USP35: variants seen among roughly 807,000 people sequenced by gnomAD.
USP35 encodes ubiquitin carboxyl-terminal hydrolase 35.
USP35 carries 69 observed loss-of-function variants against 83.8 expected under a neutral mutation model. The ratio of observed to expected loss-of-function variants is 0.82; its 90% CI spans 0.68 to 1.01. The LOEUF is 1.01. USP35 is among the 50% of genes least tolerant of loss of function. USP35 has a pLI of 0.00. For missense variants in USP35, 1,503 were observed against 1,362.5 expected, an observed-to-expected ratio of 1.10 and a Z score of -1.62; for synonymous variants, 714 against 589.5, an observed-to-expected ratio of 1.21 and a Z score of -3.06.
chr11:78,196,389 C>T lies in USP35; in HGVS notation c.144C>T (p.Leu48=). 1 of 1,444,504 alleles carries T rather than the reference C, an allele frequency of 6.9e-7. No homozygotes were observed. The highest frequency in any genetic ancestry group is 9.0e-7 in the Non-Finnish European group (1 of 1,111,566). 89.5% of individuals were successfully genotyped at this position (1,444,504 alleles called of 1,614,324 possible). ...CLALLALGAR[L]YVGGAEELPR... is the part of the protein sequence containing the mutation. ...CGCTGCTGGCGCTGGGCGCGCGCCT[C>T]TACGTGGGCGGCGCGGAGGAGCTGC... Residue 48 remains leucine, a synonymous_variant, in exon 2 of 11, where the codon CTC becomes CTT. Transcript: ENST00000529308. The surrounding 1 kb of genome is among the most constrained non-coding windows in gnomAD (Gnocchi z 4.8).
intron 6 of USP35, among the ~76,000 whole-genome samples, chr11:78,204,028 C>G (rs891301910): frequency 1.1e-3 from 159 of 148,816 alleles, no homozygotes; most frequent in African/African-American, 3.7e-3. Flanking sequence ...GTAGCTGGGA[C>G]TACAGGCGCC....
chr11:78,200,284 T>TG (rs776334056), intron 5 of USP35, 50 bp downstream of exon 5: 1 of 1,566,192 alleles, frequency 6.4e-7, no homozygotes, highest in South Asian at 1.1e-5. Flanking sequence ...CTGCTGCCCC[T>TG]GGTAAGGGCC....
chr11:78,189,013 A>T lies in USP35; in HGVS notation c.-155A>T, dbSNP rs1400094729. 2.1e-6 allele frequency: 2 copies of T among 944,070 alleles called. No homozygotes were observed. The highest frequency in any genetic ancestry group is 5.4e-4 in the Middle Eastern group (1 of 1,852). The allele number at this position is 944,070 out of a possible 1,614,324, so 58.5% of individuals were successfully genotyped here. On this transcript the variant is annotated 5_prime_UTR_variant, in exon 1 of 11. Transcript: ENST00000529308. ...GACTGGATTTTGCAGTGGAAGCAGC[A>T]TCTCTTCCGTCTGGGACCTGGCTGA...
At chr11:78,203,205 C>T (rs993935675) in intron 6 of USP35, among the ~76,000 whole-genome samples, 4 of 152,112 alleles carry the variant, frequency 2.6e-5, no homozygotes, top group Non-Finnish European at 5.9e-5. Context: ...AACCCCGCGC[C>T]TTGAGAAGAT....
chr11:78,191,031 C>A (rs577881732), intron 1 of USP35, among the ~76,000 whole-genome samples: 2 of 152,096 alleles, frequency 1.3e-5, no homozygotes, highest in African/African-American at 2.4e-5. Context: ...GGGGCATGGA[C>A]GGAATGGTGC....
At position 78,200,731 on chromosome 11, in the gene USP35, G is replaced by A. The variant is rs1240273036; in HGVS notation, c.1120G>A (p.Ala374Thr). Residue 374 changes from alanine (A) to threonine (T), a missense_variant, in exon 6 of 11, where the codon GCG (alanine) becomes ACG (threonine). Coordinates refer to ENST00000529308, the MANE Select transcript of USP35 (RefSeq NM_020798.4). ...GGGGACCAGCTGCCTGGAGCAGCTG[G>A]CGGAGCTGGTCCACTGCATGGTGTT... The part of the protein sequence containing the change: ...NSGTSCLEQL[A>T]ELVHCMVFRF... 3.7e-6 allele frequency: 6 copies of A among 1,614,212 alleles called. No homozygotes were observed. Among genetic ancestry groups the A allele is most frequent in the Non-Finnish European group, 5.1e-6 (6 of 1,180,030 alleles).
rs770535108 is a variant in USP35 at position 78,210,127 on chromosome 11, T to C, written c.2272T>C (p.Ser758Pro). The C allele has an allele frequency of 1.2e-6, 2 of 1,613,474 alleles. No homozygotes were observed. Among genetic ancestry groups the C allele is most frequent in the Non-Finnish European group, 1.7e-6 (2 of 1,179,738 alleles). ...GGAGCGGACATGTGGCTCTGAGGGCTCCCGCTCCGTCCTGGACCTGGTTAA... is the reference window on the plus strand; with the variant it reads ...GGAGCGGACATGTGGCTCTGAGGGCCCCCGCTCCGTCCTGGACCTGGTTAA... Reference protein sequence around the residue: ...SGERTCGSEGSRSVLDLVNYF... With the variant: ...SGERTCGSEGPRSVLDLVNYF... The change falls in exon 10 of 11, where the codon TCC becomes CCC. Residue 758 changes from serine to proline, a missense_variant. Physicochemically the swap from Ser to Pro is moderately conservative, Grantham distance 74. Transcript: ENST00000529308.
Position 78,196,215 on chromosome 11 carries a change from C to T in USP35, c.-10-21C>T. On this transcript the variant is annotated intron_variant, in intron 1 of 10. Coordinates refer to ENST00000529308, the MANE Select transcript of USP35 (RefSeq NM_020798.4). The surrounding 1 kb of genome is among the most constrained non-coding windows in gnomAD (Gnocchi z 4.8). ...AGCCCCGCGGTTGTCGGGCTGTGACCTCATTCCCTGTCCTCCGCAGCGCGG... is the reference window on the plus strand; with the variant it reads ...AGCCCCGCGGTTGTCGGGCTGTGACTTCATTCCCTGTCCTCCGCAGCGCGG... 1 of 1,571,624 alleles carries T rather than the reference C, an allele frequency of 6.4e-7. No individual in the cohort carries two copies. Among genetic ancestry groups the T allele is most frequent in the Non-Finnish European group, 8.6e-7 (1 of 1,167,260 alleles).
chr11:78,197,938 G>A lies in USP35; in HGVS notation c.676G>A (p.Glu226Lys), dbSNP rs532256299. 1.2e-6 allele frequency: 2 copies of A among 1,614,022 alleles called. 1 individual carries two copies. The highest frequency in any genetic ancestry group is 2.2e-5 in the South Asian group (2 of 91,076). The part of the protein sequence containing the change: ...ELFAVISCAE[E>K]EPPSSALASV... ...CTCAGCCCTGTCCCCTGTTCCAGAGGAGGAGCCACCATCTAGCGCCCTGGC... is the reference window on the plus strand; with the variant it reads ...CTCAGCCCTGTCCCCTGTTCCAGAGAAGGAGCCACCATCTAGCGCCCTGGC... The change falls in exon 3 of 11, where the codon GAG (glutamate) becomes AAG (lysine). Residue 226 changes from glutamate (E) to lysine (K), a missense_variant and splice_region_variant. Physicochemically the swap from Glu to Lys is moderately conservative, Grantham distance 56. Transcript: ENST00000529308.
intron 6 of USP35, among the ~76,000 whole-genome samples, chr11:78,204,796 G>A (rs1170567849): frequency 1.3e-5 from 2 of 152,242 alleles, no homozygotes; most frequent in African/African-American, 2.4e-5. Context: ...TCTGTGAGAA[G>A]TGACTGACTG....
At position 78,196,211 on chromosome 11, in the gene USP35, T is replaced by A. The variant is rs771756432; in HGVS notation, c.-10-25T>A. On this transcript the variant is annotated intron_variant, in intron 1 of 10. Transcript: ENST00000529308. This position sits in a 1 kb window ranked among gnomAD's most constrained non-coding sequence, Gnocchi z 4.8. ...CTTGAGCCCCGCGGTTGTCGGGCTGTGACCTCATTCCCTGTCCTCCGCAGC... is the reference window on the plus strand; with the variant it reads ...CTTGAGCCCCGCGGTTGTCGGGCTGAGACCTCATTCCCTGTCCTCCGCAGC... 3.7e-5 allele frequency: 58 copies of A among 1,565,728 alleles called. No individual in the cohort carries two copies. Among genetic ancestry groups the A allele is most frequent in the Non-Finnish European group, 4.6e-5 (54 of 1,164,622 alleles).
the USP35 span, among the ~76,000 whole-genome samples, chr11:78,228,767 C>A: frequency 1.3e-5 from 2 of 150,362 alleles, no homozygotes; most frequent in East Asian, 3.9e-4. Flanking sequence ...ACCAAGCCAA[C>A]AGCCATGGGC....
chr11:78,229,944 A>G, the USP35 span, among the ~76,000 whole-genome samples: 1 of 152,182 alleles, frequency 6.6e-6, no homozygotes, highest in African/African-American at 2.4e-5. Context: ...ACCTCTAAGC[A>G]TTGCTTAACT....
the USP35 span, among the ~76,000 whole-genome samples, chr11:78,230,025 A>G: frequency 2.0e-5 from 3 of 152,168 alleles, no homozygotes. Context: ...ATTACTACTT[A>G]TCTCTGCCAA....
chr11:78,191,619 G>C (rs761095036), intron 1 of USP35, among the ~76,000 whole-genome samples: 3 of 152,148 alleles, frequency 2.0e-5, no homozygotes, highest in Non-Finnish European at 4.4e-5. Context: ...TTGGGAGATG[G>C]GTTAGGAGGC....
intron 8 of USP35, among the ~76,000 whole-genome samples, chr11:78,208,039 G>A (rs1385087442): frequency 1.3e-5 from 2 of 152,222 alleles, no homozygotes; most frequent in Non-Finnish European, 2.9e-5. Flanking sequence ...TGGGTAGAAG[G>A]CATCACAGGG....
chr11:78,204,563 C>T (rs1590908299), intron 6 of USP35, among the ~76,000 whole-genome samples: 2 of 152,164 alleles, frequency 1.3e-5, no homozygotes, highest in African/African-American at 4.8e-5. Context: ...TTGTTCCTAG[C>T]ATGGATATTT....
the USP35 span, chr11:78,226,767 A>C: frequency 6.2e-7 from 1 of 1,614,064 alleles, no homozygotes; most frequent in African/African-American, 1.3e-5. Flanking sequence ...CTCCCTGCAC[A>C]GGGTGTTGCT....
the USP35 span, among the ~76,000 whole-genome samples, chr11:78,236,045 A>G: frequency 6.6e-6 from 1 of 152,228 alleles, no homozygotes; most frequent in African/African-American, 2.4e-5. Context: ...AAAAACTGCC[A>G]TCTAAATAAT....
Sources: gnomAD v4.1 joint callset for allele counts (sites outside exome capture counted in the v4.1 genomes callset) on GRCh38, gnomAD v4.1.1 for gene constraint, Gnocchi (gnomAD v3.1) non-coding constraint, MANE v1.5 for transcripts, NCBI Gene and HGNC (gene_info 2026-07-23, HGNC 2026-07-21) for gene names.